The following SCFD2 variants were observed in gnomAD, a reference collection of about 807,000 sequenced individuals.
SCFD2 encodes sec1 family domain-containing protein 2.
SCFD2 carries 54 observed loss-of-function variants against 58.9 expected under a neutral mutation model. The ratio of observed to expected loss-of-function variants is 0.92; its 90% CI spans 0.74 to 1.15. SCFD2 has a LOEUF of 1.15. SCFD2 is among the 50% of genes most tolerant of loss of function. SCFD2 has a pLI of 0.00. For missense variants in SCFD2, 805 were observed against 836.6 expected (o/e 0.96, Z 0.47); for synonymous variants, 321 against 335.9 (o/e 0.96, Z 0.49).
chr4:52,974,302 G>C (rs1721193597), intron 5 of SCFD2, among the ~76,000 whole-genome samples: 2 of 152,184 alleles, frequency 1.3e-5, no homozygotes, highest in Non-Finnish European at 2.9e-5. Flanking sequence ...TCCTTCAGCT[G>C]ATAAGCAACT....
At chr4:53,215,455 T>C (rs202234010) in intron 4 of SCFD2, among the ~76,000 whole-genome samples, 22,710 of 151,548 alleles carry the variant, frequency 0.15, 1,991 homozygotes, top group African/African-American at 0.24. Flanking sequence ...CTGTCTGTTA[T>C]TGGTGTATAA....
chr4:52,915,945 T>G (rs1456493274), intron 6 of SCFD2, among the ~76,000 whole-genome samples: 3 of 152,248 alleles, frequency 2.0e-5, no homozygotes, highest in Non-Finnish European at 4.4e-5. Flanking sequence ...CACATTTCAC[T>G]GGGCACAAGA....
intron 5 of SCFD2, among the ~76,000 whole-genome samples, chr4:53,031,418 G>A (rs1294326098): frequency 2.0e-5 from 3 of 152,156 alleles, no homozygotes; most frequent in African/African-American, 7.2e-5. Flanking sequence ...AAAACTTGAC[G>A]TAGAATAAGT....
At chr4:52,984,830 A>C (rs1446238938) in intron 5 of SCFD2, among the ~76,000 whole-genome samples, 1 of 152,196 alleles carries the variant, frequency 6.6e-6, no homozygotes, top group Non-Finnish European at 1.5e-5. Context: ...AACTTTCCAA[A>C]ACAACTTTAA....
rs1312849043 is a variant in SCFD2 at position 53,253,404 on chromosome 4, A to T, written c.1311+20422T>A. ...CCATTACTGGGTATATACCCAAAGGACTATAAATCATGCTGCTATAAAGAC... is the reference window on the plus strand; with the variant it reads ...CCATTACTGGGTATATACCCAAAGGTCTATAAATCATGCTGCTATAAAGAC... On this transcript the variant is annotated intron_variant, in intron 4 of 8. Coordinates refer to ENST00000401642, the MANE Select transcript of SCFD2 (RefSeq NM_152540.4). Among the ~76,000 whole-genome samples, 10 of 152,112 alleles carry T rather than the reference A, an allele frequency of 6.6e-5. No homozygotes were observed. The South Asian group carries it at 1.7e-3, about 25-fold the overall frequency.
intron 5 of SCFD2, among the ~76,000 whole-genome samples, chr4:53,138,427 T>C (rs1726007452): frequency 6.6e-6 from 1 of 152,208 alleles, no homozygotes; most frequent in South Asian, 2.1e-4. Context: ...TGAAGAAAAT[T>C]CAAATGGTTT....
intron 5 of SCFD2, among the ~76,000 whole-genome samples, chr4:52,995,244 C>T (rs1317769207): frequency 6.6e-6 from 1 of 152,150 alleles, no homozygotes; most frequent in Admixed American, 6.5e-5. Context: ...GCATTAGATT[C>T]TCACAAGGAG....
intron 5 of SCFD2, among the ~76,000 whole-genome samples, chr4:53,042,944 T>C (rs1386124044): frequency 6.6e-6 from 1 of 152,162 alleles, no homozygotes; most frequent in Admixed American, 6.5e-5. Flanking sequence ...ACTCTACTTA[T>C]TCTGTTTTTT....
intron 5 of SCFD2, among the ~76,000 whole-genome samples, chr4:53,016,922 C>T (rs1189550276): frequency 1.3e-5 from 2 of 152,188 alleles, no homozygotes; most frequent in African/African-American, 4.8e-5. Context: ...TCCTGGCTAA[C>T]ACAGTGAAAC....
At chr4:52,890,514 C>T (rs1291372785) in intron 7 of SCFD2, among the ~76,000 whole-genome samples, 1 of 152,204 alleles carries the variant, frequency 6.6e-6, no homozygotes, top group Non-Finnish European at 1.5e-5. Context: ...ATCAGAATAA[C>T]ACATTCCTTA....
Position 53,273,922 on chromosome 4 carries a change from G to A in SCFD2, c.1215C>T (p.Gly405=). The change falls in exon 4 of 9, where the codon GGC becomes GGT. Residue 405 remains glycine, a synonymous_variant. Transcript: ENST00000401642. The part of the protein sequence containing the change: ...NNLKALMNHC[G]LLQLGLATAQ... ...CTGTGGCCAGTCCAAGCTGGAGGAG[G>A]CCACAATGATTCATTAGAGCTTTGA... 1.2e-6 allele frequency: 2 copies of A among 1,613,918 alleles called. No individual in the cohort carries two copies. Among genetic ancestry groups the A allele is most frequent in the Non-Finnish European group, 1.7e-6 (2 of 1,179,906 alleles).
At chr4:53,224,932 C>T (rs1729157966) in intron 4 of SCFD2, among the ~76,000 whole-genome samples, 1 of 152,120 alleles carries the variant, frequency 6.6e-6, no homozygotes, top group South Asian at 2.1e-4. Context: ...AATAAACTCT[C>T]TTCTATTAAC....
At position 52,873,952 on chromosome 4, in the gene SCFD2, ATCT is replaced by A. The variant is rs1237860476; in HGVS notation, c.*14_*16del. On this transcript the variant is annotated 3_prime_UTR_variant, in exon 9 of 9. Transcript: ENST00000401642. ...GGCATTTCCAGCTTGAGTAGGTCTT[ATCT>A]TCTTAGCGGATGCTCAGAAGCCAAG... 6.3e-7 allele frequency: 1 copy of A among 1,595,394 alleles called. No individual in the cohort carries two copies. The highest frequency in any genetic ancestry group is 1.3e-5 in the African/African-American group (1 of 74,518).
At chr4:53,098,776 T>A (rs1560334748) in intron 5 of SCFD2, among the ~76,000 whole-genome samples, 1 of 152,094 alleles carries the variant, frequency 6.6e-6, no homozygotes, top group Non-Finnish European at 1.5e-5. Context: ...TCTGACTCCC[T>A]TAATGACTAT....
chr4:53,309,365 A>G (rs1732617267), intron 3 of SCFD2, among the ~76,000 whole-genome samples: 1 of 152,220 alleles, frequency 6.6e-6, no homozygotes, highest in Admixed American at 6.5e-5. Context: ...GTGAGTTTAT[A>G]GGGCTGACAC....
At chr4:52,875,443 T>C (rs1718447903) in intron 8 of SCFD2, among the ~76,000 whole-genome samples, 1 of 51,676 alleles carries the variant, frequency 1.9e-5, no homozygotes, top group African/African-American at 1.2e-4. Context: ...GAGCCTGAAT[T>C]CCACAGCCCA....
intron 3 of SCFD2, among the ~76,000 whole-genome samples, chr4:53,293,450 C>T (rs1361317550): frequency 6.6e-6 from 1 of 151,956 alleles, no homozygotes; most frequent in African/African-American, 2.4e-5. Flanking sequence ...GCAAATGTAC[C>T]CCGGATGTTA....
intron 2 of SCFD2, among the ~76,000 whole-genome samples, chr4:53,325,030 CA>C (rs1733143273): frequency 6.6e-6 from 1 of 152,124 alleles, no homozygotes; most frequent in South Asian, 2.1e-4. Context: ...ATATGATCCC[CA>C]ACCAACAATC....
At chr4:52,981,073 T>C (rs1721366875) in intron 5 of SCFD2, among the ~76,000 whole-genome samples, 1 of 152,196 alleles carries the variant, frequency 6.6e-6, no homozygotes, top group Non-Finnish European at 1.5e-5. Context: ...GGTCCACTGA[T>C]TTAAGAGCAT....
Sources: allele counts gnomAD v4.1 joint callset (sites outside exome capture counted in the v4.1 genomes callset), GRCh38; gene constraint gnomAD v4.1.1; transcripts MANE v1.5; gene names NCBI Gene and HGNC (gene_info 2026-07-23, HGNC 2026-07-21).